Variants in C8orf34 observed in about 807,000 individuals in gnomAD.
C8orf34 encodes uncharacterized protein C8orf34.
C8orf34 carries 65 observed loss-of-function variants against 68.3 expected under a neutral mutation model. That is an observed-to-expected ratio of 0.95 (90% CI 0.78 to 1.17). The LOEUF is 1.17. C8orf34 is among the 50% of genes most tolerant of loss of function. C8orf34 has a pLI of 0.00. For synonymous variants in C8orf34, 244 were observed against 241.2 expected (o/e 1.01, Z -0.11); for missense variants, 664 against 655.4 (o/e 1.01, Z -0.14).
chr8:68,594,955 T>TTTCTCCTA (rs555154392), intron 7 of C8orf34, among the ~76,000 whole-genome samples: 46 of 152,104 alleles, frequency 3.0e-4, no homozygotes, highest in African/African-American at 1.1e-3. Context: ...TTTATGGTAT[T>TTTCTCCTA]TTCTCCTACT....
chr8:68,648,983 A>ATTT (rs1819262046), intron 8 of C8orf34, among the ~76,000 whole-genome samples: 1 of 152,190 alleles, frequency 6.6e-6, no homozygotes, highest in Non-Finnish European at 1.5e-5. Flanking sequence ...ACCTATGTAA[A>ATTT]TAACCATACA....
intron 7 of C8orf34, among the ~76,000 whole-genome samples, chr8:68,553,397 A>C (rs1293266732): frequency 2.0e-5 from 3 of 150,864 alleles, no homozygotes; most frequent in Non-Finnish European, 4.4e-5. Context: ...AAAAAAAAAA[A>C]AAAAAAAAAA....
At chr8:68,695,392 A>G (rs1197057098) in intron 8 of C8orf34, among the ~76,000 whole-genome samples, 1 of 152,052 alleles carries the variant, frequency 6.6e-6, no homozygotes, top group Admixed American at 6.6e-5. Flanking sequence ...CAAGTGATCC[A>G]CCCACCTTGG....
intron 3 of C8orf34, among the ~76,000 whole-genome samples, chr8:68,463,138 T>G (rs746592913): frequency 1.1e-4 from 16 of 152,050 alleles, no homozygotes; most frequent in Admixed American, 4.6e-4. Context: ...AAATGCAAAC[T>G]ACCATGAGAG....
intron 1 of C8orf34, among the ~76,000 whole-genome samples, chr8:68,353,200 T>G (rs1357160570): frequency 6.6e-6 from 1 of 151,994 alleles, no homozygotes; most frequent in Non-Finnish European, 1.5e-5. Context: ...ATTTTGAGCA[T>G]AGGGTCTTAA....
At chr8:68,610,467 C>T (rs1032946451) in intron 7 of C8orf34, among the ~76,000 whole-genome samples, 9 of 152,034 alleles carry the variant, frequency 5.9e-5, no homozygotes, top group African/African-American at 2.2e-4. Flanking sequence ...TATAGTAAAC[C>T]TATATTAAGA....
intron 12 of C8orf34, among the ~76,000 whole-genome samples, chr8:68,793,367 G>A (rs1824070977): frequency 6.6e-6 from 1 of 152,046 alleles, no homozygotes; most frequent in Admixed American, 6.6e-5. Context: ...AATTGTTCTA[G>A]GTTATATTTC....
intron 4 of C8orf34, among the ~76,000 whole-genome samples, chr8:68,479,929 T>A (rs1448122172): frequency 6.6e-6 from 1 of 152,230 alleles, no homozygotes; most frequent in Non-Finnish European, 1.5e-5. Context: ...TGGCTCATGT[T>A]CTAAGCATGA....
intron 8 of C8orf34, among the ~76,000 whole-genome samples, chr8:68,667,081 T>C (rs1819865257): frequency 6.6e-6 from 1 of 152,154 alleles, no homozygotes; most frequent in Non-Finnish European, 1.5e-5. Context: ...AAAAACCTTC[T>C]ACAGCCAAAA....
intron 7 of C8orf34, among the ~76,000 whole-genome samples, chr8:68,548,372 G>A (rs1045381276): frequency 6.6e-6 from 1 of 151,618 alleles, no homozygotes; most frequent in African/African-American, 2.4e-5. Flanking sequence ...AATAGGCAAG[G>A]AAATGTAATA....
chr8:68,586,576 A>G (rs1319160476), intron 7 of C8orf34, among the ~76,000 whole-genome samples: 2 of 152,262 alleles, frequency 1.3e-5, no homozygotes, highest in South Asian at 2.1e-4. Flanking sequence ...ACAAAGACAC[A>G]CTGCTCTGTT....
chr8:68,468,640 T>G, intron 3 of C8orf34, 52 bp from the exon 4 acceptor site: 2 of 1,577,494 alleles, frequency 1.3e-6, no homozygotes, highest in South Asian at 2.3e-5. Context: ...GAATAGTCAG[T>G]TTGTGTCATT....
intron 3 of C8orf34, among the ~76,000 whole-genome samples, chr8:68,455,796 T>C (rs1355112201): frequency 1.3e-5 from 2 of 152,012 alleles, no homozygotes; most frequent in Non-Finnish European, 2.9e-5. Flanking sequence ...TTTTCTTAAC[T>C]AAAATATTGC....
chr8:68,552,354 A>C (rs1816101007), intron 7 of C8orf34, among the ~76,000 whole-genome samples: 1 of 152,136 alleles, frequency 6.6e-6, no homozygotes, highest in South Asian at 2.1e-4. Context: ...AATTATTTAG[A>C]TCTTTAATTT....
intron 4 of C8orf34, among the ~76,000 whole-genome samples, chr8:68,484,167 G>T (rs1005855064): frequency 2.0e-5 from 3 of 152,214 alleles, no homozygotes; most frequent in Non-Finnish European, 4.4e-5. Flanking sequence ...CAAGAGCAAG[G>T]TTGGGGAAGG....
At chr8:68,474,339 A>AG (rs1586214612) in intron 4 of C8orf34, among the ~76,000 whole-genome samples, 1 of 152,260 alleles carries the variant, frequency 6.6e-6, no homozygotes, top group East Asian at 1.9e-4. Flanking sequence ...ACCCTTCTAG[A>AG]TTCCTCTTTC....
intron 2 of C8orf34, 150 bp from the exon 3 acceptor site, chr8:68,446,179 A>C (rs1811113588): frequency 3.3e-6 from 2 of 608,534 alleles, no homozygotes; most frequent in Admixed American, 5.9e-5. Context: ...AGATGAAATT[A>C]AACAAGTAAT....
At chr8:68,535,070 T>G in intron 7 of C8orf34, 1 of 985,358 alleles carries the variant, frequency 1.0e-6, no homozygotes, top group Non-Finnish European at 1.2e-6. Context: ...ATTATCCTCT[T>G]ATAGCTTGGA....
chr8:68,572,791 G>A (rs1343324799), intron 7 of C8orf34, among the ~76,000 whole-genome samples: 1 of 152,084 alleles, frequency 6.6e-6, no homozygotes, highest in Non-Finnish European at 1.5e-5. Context: ...AGCAGGATTG[G>A]AGTGTGATGG....
Sources: allele counts gnomAD v4.1 joint callset (sites outside exome capture counted in the v4.1 genomes callset), GRCh38; gene constraint gnomAD v4.1.1; transcripts MANE v1.5; gene names NCBI Gene and HGNC (gene_info 2026-07-23, HGNC 2026-07-21).